ADAMTSL1: variants seen among roughly 807,000 people sequenced by gnomAD.
ADAMTSL1 encodes the protein ADAMTS like 1.
Under a neutral mutation model 201.8 loss-of-function variants are expected in ADAMTSL1, and 126 were observed. The ratio of observed to expected loss-of-function variants is 0.62; its 90% confidence interval spans 0.54 to 0.72. ADAMTSL1 has a LOEUF of 0.72. ADAMTSL1 is among the 30% of genes least tolerant of loss of function. The pLI, the probability that ADAMTSL1 is intolerant of heterozygous loss-of-function variation, is 0.00. For missense variants in ADAMTSL1, 2,679 were observed against 2,277.8 expected (o/e 1.18, Z -3.59); for synonymous variants, 1,121 against 903.4 (o/e 1.24, Z -4.32).
At chr9:18,368,683 C>G (rs142863448) in intron 2 of ADAMTSL1, among the ~76,000 whole-genome samples, 1 of 152,230 alleles carries the variant, frequency 6.6e-6, no homozygotes, top group East Asian at 1.9e-4. Context: ...TGGGCAATCA[C>G]AATTGTATCA....
At chr9:18,226,464 C>G (rs1188456844) in intron 2 of ADAMTSL1, among the ~76,000 whole-genome samples, 1 of 152,172 alleles carries the variant, frequency 6.6e-6, no homozygotes, top group Admixed American at 6.5e-5. Flanking sequence ...TCTTCATACT[C>G]TTTATCAGAT....
intron 2 of ADAMTSL1, among the ~76,000 whole-genome samples, chr9:18,512,503 T>C (rs920758410): frequency 6.6e-6 from 1 of 152,170 alleles, no homozygotes; most frequent in African/African-American, 2.4e-5. Context: ...ATCTCCTCAA[T>C]TTTAATTCAT....
chr9:18,081,297 A>G (rs1823490334), intron 1 of ADAMTSL1, among the ~76,000 whole-genome samples: 1 of 152,192 alleles, frequency 6.6e-6, no homozygotes, highest in African/African-American at 2.4e-5. Context: ...TAATATTCAG[A>G]GTAATTGTTT....
chr9:18,823,744 T>G (rs1054500465), intron 21 of ADAMTSL1, among the ~76,000 whole-genome samples: 3 of 152,156 alleles, frequency 2.0e-5, no homozygotes, highest in African/African-American at 7.2e-5. Flanking sequence ...ATCCCAACAC[T>G]TTGGAAGGCC....
At chr9:18,749,913 A>G (rs1819367011) in intron 15 of ADAMTSL1, among the ~76,000 whole-genome samples, 1 of 152,312 alleles carries the variant, frequency 6.6e-6, no homozygotes, top group Admixed American at 6.5e-5. Flanking sequence ...TGGCTGCCAA[A>G]AGGCCTCTGC....
chr9:18,740,479 T>A (rs1818762868), intron 15 of ADAMTSL1, among the ~76,000 whole-genome samples: 1 of 62,604 alleles, frequency 1.6e-5, no homozygotes, highest in Non-Finnish European at 3.2e-5. Flanking sequence ...TTCTTTTATC[T>A]TTTTTTTTTT....
At chr9:17,908,000 C>T (rs988276610) in intron 1 of ADAMTSL1, among the ~76,000 whole-genome samples, 12 of 152,062 alleles carry the variant, frequency 7.9e-5, no homozygotes, top group African/African-American at 2.9e-4. Flanking sequence ...TTCCTTCCCT[C>T]GCTTTTTCTT....
chr9:18,823,921 C>T (rs1824372648), intron 21 of ADAMTSL1, among the ~76,000 whole-genome samples: 1 of 151,904 alleles, frequency 6.6e-6, no homozygotes, highest in African/African-American at 2.4e-5. Flanking sequence ...ACCCAGGAGG[C>T]AGAGGCTGCA....
chr9:18,406,479 T>C (rs1563939585), intron 2 of ADAMTSL1, among the ~76,000 whole-genome samples: 1 of 151,814 alleles, frequency 6.6e-6, no homozygotes, highest in Non-Finnish European at 1.5e-5. Flanking sequence ...CAGGCACACG[T>C]CACATTGCCC....
chr9:18,016,768 T>C (rs1402826320), intron 1 of ADAMTSL1, among the ~76,000 whole-genome samples: 1 of 152,024 alleles, frequency 6.6e-6, no homozygotes, highest in East Asian at 1.9e-4. Flanking sequence ...TAACTTCAAA[T>C]TGGTGGATGG....
intron 1 of ADAMTSL1, among the ~76,000 whole-genome samples, chr9:18,062,570 TAAA>T (rs1822507251): frequency 6.6e-6 from 1 of 151,976 alleles, no homozygotes; most frequent in Non-Finnish European, 1.5e-5. Context: ...GTAAATGAAA[TAAA>T]GAAGAAAATT....
At chr9:18,220,221 A>G (rs1448079782) in intron 2 of ADAMTSL1, among the ~76,000 whole-genome samples, 1 of 152,060 alleles carries the variant, frequency 6.6e-6, no homozygotes, top group South Asian at 2.1e-4. Flanking sequence ...GTTTTCCATT[A>G]TGATGGTGAA....
chr9:17,933,474 G>T (rs1826883014), intron 1 of ADAMTSL1, among the ~76,000 whole-genome samples: 2 of 152,136 alleles, frequency 1.3e-5, no homozygotes, highest in Admixed American at 1.3e-4. Flanking sequence ...CCCATGGATG[G>T]ATTCTGCATA....
At chr9:18,501,896 A>C (rs1822863648) in intron 1 of ADAMTSL1, among the ~76,000 whole-genome samples, 1 of 152,192 alleles carries the variant, frequency 6.6e-6, no homozygotes, top group Non-Finnish European at 1.5e-5. Flanking sequence ...GAAACGTGTA[A>C]TATGTGATGA....
intron 22 of ADAMTSL1, among the ~76,000 whole-genome samples, chr9:18,829,404 AC>A (rs1383650369): frequency 2.0e-5 from 3 of 152,226 alleles, no homozygotes; most frequent in African/African-American, 7.2e-5. Flanking sequence ...ATCTGTGTGG[AC>A]AATAACAGAG....
At chr9:18,624,457 CTAAT>C (rs950966872) in intron 5 of ADAMTSL1, among the ~76,000 whole-genome samples, 8 of 152,152 alleles carry the variant, frequency 5.3e-5, no homozygotes, top group Admixed American at 2.6e-4. Flanking sequence ...TTAAAATCCT[CTAAT>C]TATTTCTGGC....
chr9:17,947,304 TACACACATAC>T (rs1827532575), intron 1 of ADAMTSL1, among the ~76,000 whole-genome samples: 1 of 85,866 alleles, frequency 1.2e-5, no homozygotes, highest in Admixed American at 1.5e-4. Context: ...ATTTACCTTA[TACACACATAC>T]ACACACACAC....
At chr9:18,679,371 TC>T (rs1564143290) in intron 10 of ADAMTSL1, among the ~76,000 whole-genome samples, 1 of 152,080 alleles carries the variant, frequency 6.6e-6, no homozygotes, top group Non-Finnish European at 1.5e-5. Context: ...CTCAACTCAG[TC>T]CCAATGTTTC....
intron 2 of ADAMTSL1, among the ~76,000 whole-genome samples, chr9:18,358,441 A>G (rs138368573): frequency 7.0e-4 from 107 of 152,310 alleles, no homozygotes; most frequent in African/African-American, 2.5e-3. Context: ...GATATTCACG[A>G]TGTTGTGCAA....
Sources: gnomAD v4.1 joint callset for allele counts (sites outside exome capture counted in the v4.1 genomes callset) on GRCh38, gnomAD v4.1.1 for gene constraint, MANE v1.5 for transcripts, NCBI Gene and HGNC (gene_info 2026-07-23, HGNC 2026-07-21) for gene names.